FRK: variants seen among roughly 807,000 people sequenced by gnomAD.
The protein encoded by FRK is fyn related Src family tyrosine kinase.
FRK carries 51 observed loss-of-function variants against 56.4 expected under a neutral mutation model. That is an observed-to-expected ratio of 0.90 (90% CI 0.72 to 1.14). The LOEUF is 1.14. Among genes scored for constraint, FRK ranks in the 50% most tolerant of loss-of-function variants. The pLI is 0.00. For synonymous variants in FRK, 245 were observed against 217.9 expected (o/e 1.12, Z -1.10); for missense variants, 570 against 601.4 (o/e 0.95, Z 0.55).
chr6:115,955,976 C>T (rs1471686564), intron 5 of FRK, among the ~76,000 whole-genome samples: 1 of 152,144 alleles, frequency 6.6e-6, no homozygotes, highest in Non-Finnish European at 1.5e-5. Flanking sequence ...TGTTGCCTAG[C>T]AGTGGAAGTA....
rs561628134 is a variant in FRK at position 116,000,583 on chromosome 6, T to C, written c.466+3294A>G. Among the ~76,000 whole-genome samples the C allele has an allele frequency of 1.2e-4, 18 of 152,242 alleles. No homozygotes were observed. In the East Asian group the frequency reaches 3.1e-3, roughly 26 times the overall value. ...TATTTTTAACGCTAATCTAAAAACA[T>C]TTGATCTCACTTTTGACTAAATAGC... is the stretch of plus-strand genomic sequence containing the variant. On this transcript the variant is annotated intron_variant, in intron 2 of 7. Transcript: ENST00000606080.
the FRK span, among the ~76,000 whole-genome samples, chr6:116,091,585 A>G: frequency 2.5e-3 from 383 of 152,248 alleles, 10 homozygotes; most frequent in South Asian, 0.044. Context: ...TGAAGGGACT[A>G]TTGCCTATCA....
chr6:116,095,131 G>T, the FRK span, among the ~76,000 whole-genome samples: 6 of 152,180 alleles, frequency 3.9e-5, no homozygotes, highest in African/African-American at 1.4e-4. Context: ...CCTAACAGGG[G>T]ATCTAAATCT....
intron 2 of FRK, among the ~76,000 whole-genome samples, chr6:115,994,458 A>G (rs1774759535): frequency 6.6e-6 from 1 of 151,942 alleles, no homozygotes; most frequent in South Asian, 2.1e-4. Flanking sequence ...TAACTCACAC[A>G]CAGCAGGGCT....
chr6:116,004,383 C>G (rs1415589422), intron 1 of FRK, among the ~76,000 whole-genome samples: 1 of 152,118 alleles, frequency 6.6e-6, no homozygotes, highest in Non-Finnish European at 1.5e-5. Flanking sequence ...TCCACTGCTT[C>G]CCCTAACACC....
Position 116,039,355 on chromosome 6 carries a change from G to C in FRK, c.344+20613C>G, listed in dbSNP as rs1234478541. 7 of 1,457,032 alleles carry C rather than the reference G, an allele frequency of 4.8e-6. No individual in the cohort carries two copies. The Admixed American group carries it at 1.0e-4, about 21-fold the overall frequency. The allele number at this position is 1,457,032 out of a possible 1,614,324, so 90.3% of individuals were successfully genotyped here. A position where few individuals can be genotyped will look rare whatever the true frequency, so the allele number is the denominator to read the frequency against. ...AACATCTCTGATGTGGTGGCTCAGA[G>C]CACCCGTATCCATTTATGGAGGCTC... On this transcript the variant is annotated intron_variant, in intron 1 of 7. Transcript: ENST00000606080.
At chr6:116,018,607 C>T (rs1775745162) in intron 1 of FRK, among the ~76,000 whole-genome samples, 1 of 152,096 alleles carries the variant, frequency 6.6e-6, no homozygotes, top group Non-Finnish European at 1.5e-5. Flanking sequence ...TAATAATACA[C>T]AATGGAAATA....
At chr6:116,068,242 G>A in the FRK span, among the ~76,000 whole-genome samples, 5 of 152,036 alleles carry the variant, frequency 3.3e-5, no homozygotes, top group Non-Finnish European at 5.9e-5. Context: ...TGCAGCAGAT[G>A]GTAACAACTT....
chr6:116,051,728 T>C (rs552224055), intron 1 of FRK, among the ~76,000 whole-genome samples: 1 of 152,206 alleles, frequency 6.6e-6, no homozygotes, highest in Non-Finnish European at 1.5e-5. Flanking sequence ...TAAGAAGAGC[T>C]AAGAACCCAT....
chr6:116,080,654 CG>C, the FRK span, among the ~76,000 whole-genome samples: 6 of 152,034 alleles, frequency 3.9e-5, no homozygotes, highest in East Asian at 7.7e-4. Context: ...ACTTTCCACA[CG>C]TTAGAGAAAA....
chr6:115,970,084 C>G (rs1328480605), intron 2 of FRK, among the ~76,000 whole-genome samples: 1 of 151,888 alleles, frequency 6.6e-6, no homozygotes, highest in African/African-American at 2.4e-5. Flanking sequence ...AAGAAGACAT[C>G]CCACTTCCCA....
intron 2 of FRK, among the ~76,000 whole-genome samples, chr6:115,970,632 C>T (rs1454583106): frequency 6.6e-6 from 1 of 152,174 alleles, no homozygotes; most frequent in Non-Finnish European, 1.5e-5. Flanking sequence ...GGCGTGGTGG[C>T]TCACGCCTTT....
At chr6:116,015,937 T>C (rs1775631409) in intron 1 of FRK, among the ~76,000 whole-genome samples, 1 of 152,154 alleles carries the variant, frequency 6.6e-6, no homozygotes, top group Non-Finnish European at 1.5e-5. Context: ...CTTTTATTTA[T>C]CAGGGAAGCA....
At chr6:116,009,627 CAAG>C (rs998854681) in intron 1 of FRK, among the ~76,000 whole-genome samples, 27 of 151,680 alleles carry the variant, frequency 1.8e-4, no homozygotes, top group Admixed American at 1.0e-3. Flanking sequence ...TAACAATAAC[CAAG>C]AAGAAGATTA....
intron 2 of FRK, among the ~76,000 whole-genome samples, chr6:115,977,546 C>T (rs985863032): frequency 6.6e-5 from 10 of 152,152 alleles, no homozygotes; most frequent in African/African-American, 2.4e-4. Context: ...TATTAGTTGA[C>T]TCAAGAAAGC....
intron 2 of FRK, among the ~76,000 whole-genome samples, chr6:115,971,339 CAAA>C (rs1415345680): frequency 6.6e-6 from 1 of 152,172 alleles, no homozygotes; most frequent in Non-Finnish European, 1.5e-5. Context: ...AACCTGGCTA[CAAA>C]ATGCCCTCCT....
the FRK span, among the ~76,000 whole-genome samples, chr6:116,080,231 C>T: frequency 6.6e-6 from 1 of 152,188 alleles, no homozygotes; most frequent in Non-Finnish European, 1.5e-5. Context: ...TTGCGGCTCA[C>T]TGCAACCTCC....
chr6:116,081,688 A>G, the FRK span, among the ~76,000 whole-genome samples: 2 of 151,840 alleles, frequency 1.3e-5, no homozygotes, highest in African/African-American at 4.8e-5. Context: ...TTCCACAGAC[A>G]TAAAAGATAA....
At chr6:115,970,853 CA>C (rs756509123) in intron 2 of FRK, among the ~76,000 whole-genome samples, 3 of 152,148 alleles carry the variant, frequency 2.0e-5, no homozygotes, top group Non-Finnish European at 4.4e-5. Context: ...GTCAAGGCTG[CA>C]GAGAGTTATG....
Sources: allele counts gnomAD v4.1 joint callset (sites outside exome capture counted in the v4.1 genomes callset), GRCh38; gene constraint gnomAD v4.1.1; transcripts MANE v1.5; gene names NCBI Gene and HGNC (gene_info 2026-07-23, HGNC 2026-07-21).